DTNA: variants seen among roughly 807,000 people sequenced by gnomAD.
DTNA encodes dystrophin-related protein 3.
In DTNA, 43 loss-of-function variants were observed where a neutral mutation model predicts 100.7. That is an observed-to-expected ratio of 0.43 (90% CI 0.33 to 0.55). The LOEUF (loss-of-function observed/expected upper bound fraction) is 0.55, where lower values mean the gene tolerates loss of function less well. Ranked by LOEUF, DTNA falls within the 20% of genes least tolerant of loss-of-function variation. DTNA has a pLI of 0.04. For missense variants in DTNA, 798 were observed against 953.9 expected (o/e 0.84, Z 2.15); for synonymous variants, 349 against 347.9 (o/e 1.00, Z -0.04).
chr18:34,871,370 C>A (rs1164485909), intron 17 of DTNA, among the ~76,000 whole-genome samples: 1 of 152,132 alleles, frequency 6.6e-6, no homozygotes, highest in Non-Finnish European at 1.5e-5. Context: ...TTCATTTATT[C>A]TCCAGGAAGT....
At chr18:34,821,345 GA>G (rs1197371824) in intron 9 of DTNA, 9 of 419,186 alleles carry the variant, frequency 2.1e-5, no homozygotes, top group African/African-American at 1.9e-4. Flanking sequence ...AGCAAACCTA[GA>G]AATTACTTTT....
chr18:34,736,064 C>T (rs769325167), intron 1 of DTNA, among the ~76,000 whole-genome samples: 3 of 152,092 alleles, frequency 2.0e-5, no homozygotes, highest in Non-Finnish European at 4.4e-5. Context: ...ACCTAGAGGA[C>T]GTCTATACCA....
chr18:34,650,676 A>C (rs2143847283), intron 1 of DTNA, among the ~76,000 whole-genome samples: 1 of 152,312 alleles, frequency 6.6e-6, no homozygotes, highest in South Asian at 2.1e-4. Flanking sequence ...CCCAGAAGGC[A>C]AAGCTGCTGC....
At chr18:34,824,476 A>C (rs1485374514) in intron 9 of DTNA, among the ~76,000 whole-genome samples, 1 of 136,748 alleles carries the variant, frequency 7.3e-6, no homozygotes, top group East Asian at 2.0e-4. Context: ...ACGCCATCTC[A>C]AAAAAAAAAA....
intron 1 of DTNA, among the ~76,000 whole-genome samples, chr18:34,748,185 T>C (rs1227294441): frequency 6.6e-6 from 1 of 152,186 alleles, no homozygotes; most frequent in Non-Finnish European, 1.5e-5. Context: ...TTGTTTGAGA[T>C]CCTTGTAGAT....
intron 1 of DTNA, among the ~76,000 whole-genome samples, chr18:34,535,227 A>G (rs888107128): frequency 2.6e-5 from 4 of 152,082 alleles, no homozygotes; most frequent in Non-Finnish European, 5.9e-5. Context: ...TTTCATTTGC[A>G]TTTCTCTAAT....
At chr18:34,647,349 C>G (rs1297565081) in intron 1 of DTNA, among the ~76,000 whole-genome samples, 1 of 152,186 alleles carries the variant, frequency 6.6e-6, no homozygotes, top group Non-Finnish European at 1.5e-5. Flanking sequence ...CATCTCAAAG[C>G]TCAGCCAACC....
chr18:34,756,866 T>C (rs1167099119), intron 2 of DTNA, among the ~76,000 whole-genome samples: 1 of 152,182 alleles, frequency 6.6e-6, no homozygotes, highest in Admixed American at 6.5e-5. Context: ...TTCATGTCTT[T>C]TTATCTCTTC....
At chr18:34,660,473 C>A (rs1057045210) in intron 1 of DTNA, among the ~76,000 whole-genome samples, 1 of 151,896 alleles carries the variant, frequency 6.6e-6, no homozygotes, top group Non-Finnish European at 1.5e-5. Context: ...AATTATATTT[C>A]TTTGACATAT....
intron 4 of DTNA, 46 bp downstream of exon 4, chr18:34,794,296 C>T (rs766122237): frequency 3.1e-6 from 5 of 1,606,850 alleles, no homozygotes; most frequent in Non-Finnish European, 3.4e-6. Flanking sequence ...GTTTGGCTTT[C>T]ACTTCCTGTC....
At chr18:34,759,149 G>A (rs2092974310) in intron 2 of DTNA, among the ~76,000 whole-genome samples, 1 of 151,754 alleles carries the variant, frequency 6.6e-6, no homozygotes, top group African/African-American at 2.4e-5. Flanking sequence ...TAGTACCTTG[G>A]ATTAAAGCTG....
chr18:34,759,518 G>T (rs1005138594), intron 2 of DTNA, among the ~76,000 whole-genome samples: 3 of 152,172 alleles, frequency 2.0e-5, no homozygotes, highest in African/African-American at 7.2e-5. Flanking sequence ...TAATGGAAGG[G>T]AAGTGATTGG....
At chr18:34,851,721 T>A in intron 14 of DTNA, 110 bp from the exon 15 acceptor site, 2 of 1,211,846 alleles carry the variant, frequency 1.7e-6, no homozygotes, top group Non-Finnish European at 2.4e-6. Flanking sequence ...TTCTTTGTTT[T>A]GATAGAAATA....
At chr18:34,523,731 C>G (rs2042354547) in intron 1 of DTNA, among the ~76,000 whole-genome samples, 1 of 152,110 alleles carries the variant, frequency 6.6e-6, no homozygotes, top group Admixed American at 6.6e-5. Context: ...GACTAGAGCT[C>G]AAACTTCAAG....
intron 1 of DTNA, among the ~76,000 whole-genome samples, chr18:34,603,363 T>C (rs1433676599): frequency 6.6e-6 from 1 of 152,236 alleles, no homozygotes; most frequent in Non-Finnish European, 1.5e-5. Context: ...TAAAGGACTT[T>C]TATAAGTATC....
At chr18:34,697,226 T>A (rs2080701930) in intron 1 of DTNA, among the ~76,000 whole-genome samples, 1 of 152,206 alleles carries the variant, frequency 6.6e-6, no homozygotes, top group African/African-American at 2.4e-5. Flanking sequence ...TACCTCCATT[T>A]TCAGATGATG....
At chr18:34,542,752 T>C (rs1225926738) in intron 1 of DTNA, among the ~76,000 whole-genome samples, 1 of 152,044 alleles carries the variant, frequency 6.6e-6, no homozygotes, top group African/African-American at 2.4e-5. Flanking sequence ...TATATACCTG[T>C]ATAATTTTTA....
chr18:34,580,091 A>C (rs778223887), intron 1 of DTNA, among the ~76,000 whole-genome samples: 1 of 151,912 alleles, frequency 6.6e-6, no homozygotes, highest in African/African-American at 2.4e-5. Context: ...TGCTGGGTTC[A>C]GTCTGCTGTT....
Position 34,551,155 on chromosome 18 carries a change from A to T in DTNA, c.-2+57641A>T, listed in dbSNP as rs755099259. ...TCCTGATGGATCTGTCTTGTCAACC[A>T]TAAAGAGAAAAGAGTTTTGTTTTAG... On this transcript the variant is annotated intron_variant, in intron 1 of 19. Coordinates refer to the DTNA transcript ENST00000283365. 3.5e-4 allele frequency among the ~76,000 whole-genome samples: 53 copies of T among 152,310 alleles called. 1 individual carries two copies. The highest frequency in any genetic ancestry group is 3.4e-3 in the Middle Eastern group (1 of 294).
Sources: allele counts gnomAD v4.1 joint callset (sites outside exome capture counted in the v4.1 genomes callset), GRCh38; gene constraint gnomAD v4.1.1; transcripts MANE v1.5; gene names NCBI Gene and HGNC (gene_info 2026-07-23, HGNC 2026-07-21).